The following ERBB4 variants were observed in gnomAD, a reference collection of about 807,000 sequenced individuals.
The protein encoded by ERBB4 is receptor tyrosine-protein kinase erbB-4.
ERBB4 carries 42 observed loss-of-function variants against 158.0 expected under a neutral mutation model. That is an observed-to-expected ratio of 0.27 (90% CI 0.21 to 0.34). The LOEUF is 0.34. ERBB4 is among the 10% of genes least tolerant of loss of function. The probability of loss-of-function intolerance (pLI) is 1.00; values close to 1 mark genes in which losing one functional copy is unlikely to be tolerated. For missense variants in ERBB4, 1,333 were observed against 1,624.1 expected (o/e 0.82, Z 3.08); for synonymous variants, 583 against 558.7 (o/e 1.04, Z -0.61).
chr2:211,617,144 C>A (rs2069422052), intron 19 of ERBB4, among the ~76,000 whole-genome samples: 1 of 151,820 alleles, frequency 6.6e-6, no homozygotes, highest in African/African-American at 2.4e-5. Context: ...GGCTCTTAAC[C>A]CCCTTTTGCC....
At chr2:211,745,345 T>G (rs760118481) in intron 5 of ERBB4, among the ~76,000 whole-genome samples, 3 of 152,194 alleles carry the variant, frequency 2.0e-5, no homozygotes, top group Non-Finnish European at 4.4e-5. Context: ...CAAAATACTT[T>G]TTGCCTCAGG....
At position 211,580,803 on chromosome 2, in the gene ERBB4, T is replaced by G. The variant is rs866017374; in HGVS notation, c.2302-18715A>C. On this transcript the variant is annotated intron_variant, in intron 19 of 27. Transcript: ENST00000342788. ...AGAAATTGTGATATATATATATATA[T>G]ATATATATAATATATATATATTATA... is the stretch of plus-strand genomic sequence containing the variant. 1.5e-3 allele frequency among the ~76,000 whole-genome samples: 94 copies of G among 63,212 alleles called. 7 individuals carry two copies. The African/African-American group carries it at 0.016, about 11-fold the overall frequency. 41.5% of individuals were successfully genotyped at this position (63,212 alleles called of 152,430 possible).
chr2:212,316,343 G>A (rs1010214094), intron 1 of ERBB4, among the ~76,000 whole-genome samples: 9 of 151,320 alleles, frequency 5.9e-5, no homozygotes, highest in African/African-American at 2.2e-4. Context: ...CTTTTACAGA[G>A]GTGGGAATCA....
chr2:211,894,338 A>G (rs1156537668), intron 3 of ERBB4, among the ~76,000 whole-genome samples: 1 of 147,842 alleles, frequency 6.8e-6, no homozygotes. Flanking sequence ...GCATATTCTC[A>G]CTCATAGTTG....
At chr2:212,256,708 A>T (rs79726908) in intron 1 of ERBB4, among the ~76,000 whole-genome samples, 1 of 152,192 alleles carries the variant, frequency 6.6e-6, no homozygotes, top group South Asian at 2.1e-4. Context: ...CTCTGGGCCA[A>T]TGAGGAACAG....
chr2:211,766,228 A>G (rs997822144), intron 4 of ERBB4, among the ~76,000 whole-genome samples: 1 of 152,246 alleles, frequency 6.6e-6, no homozygotes, highest in Non-Finnish European at 1.5e-5. Context: ...AGAATTAAAT[A>G]AAAGTTGCAT....
intron 1 of ERBB4, among the ~76,000 whole-genome samples, chr2:212,220,935 A>G (rs566727643): frequency 6.6e-6 from 1 of 151,662 alleles, no homozygotes; most frequent in African/African-American, 2.4e-5. Context: ...GGCTTCTATA[A>G]AAGGATGTGA....
intron 20 of ERBB4, among the ~76,000 whole-genome samples, chr2:211,497,278 C>T (rs1231019915): frequency 1.3e-5 from 2 of 151,842 alleles, no homozygotes; most frequent in African/African-American, 4.8e-5. Context: ...AAGATGCAAA[C>T]ACGAGTTAAA....
At position 211,494,353 on chromosome 2, in the gene ERBB4, G is replaced by A. The variant is rs1234877348; in HGVS notation, c.2488-63253C>T. Among the ~76,000 whole-genome samples the A allele has an allele frequency of 3.3e-5, 5 of 152,016 alleles. No individual in the cohort carries two copies. In the East Asian group the frequency reaches 7.7e-4, roughly 23 times the overall value. On this transcript the variant is annotated intron_variant, in intron 20 of 27. Transcript: ENST00000342788. ...ATGTTGCTAACAACATCATTAAAAT[G>A]TATTAGCTCAGCTCTGAAACAAGTA...
intron 1 of ERBB4, among the ~76,000 whole-genome samples, chr2:212,245,816 G>A (rs1395326522): frequency 6.6e-6 from 1 of 152,032 alleles, no homozygotes; most frequent in African/African-American, 2.4e-5. Flanking sequence ...TCCCAAAAGA[G>A]CCCTTTGCTC....
At chr2:212,009,856 TCTGTA>T (rs1488213646) in intron 2 of ERBB4, among the ~76,000 whole-genome samples, 1 of 152,162 alleles carries the variant, frequency 6.6e-6, no homozygotes, top group African/African-American at 2.4e-5. Flanking sequence ...CTCCCACCTG[TCTGTA>T]CTCCTACTAA....
rs147020363 is a variant in ERBB4 at position 211,727,947 on chromosome 2, G to A, written c.623-2753C>T. ...ATCAAATTTTTATATCTGGGTTTGT[G>A]AACGTATATTTTGTATTTGCAATTT... On this transcript the variant is annotated intron_variant, in intron 5 of 27. Coordinates refer to ENST00000342788, the MANE Select transcript of ERBB4 (RefSeq NM_005235.3). Among the ~76,000 whole-genome samples the A allele has an allele frequency of 4.7e-3, 712 of 151,936 alleles. 7 individuals are homozygous for A. Among genetic ancestry groups the A allele is most frequent in the African/African-American group, 0.016 (662 of 41,498 alleles).
intron 2 of ERBB4, among the ~76,000 whole-genome samples, chr2:212,071,818 T>C (rs1365642202): frequency 6.6e-6 from 1 of 152,006 alleles, no homozygotes; most frequent in Admixed American, 6.6e-5. Flanking sequence ...GAAAGATACA[T>C]CTACTTCTCT....
intron 17 of ERBB4, among the ~76,000 whole-genome samples, chr2:211,629,703 A>G (rs1296787434): frequency 6.6e-6 from 1 of 152,164 alleles, no homozygotes; most frequent in African/African-American, 2.4e-5. Context: ...ACAGAGATAT[A>G]GACCAATGGA....
At chr2:212,529,723 A>G (rs923704131) in intron 1 of ERBB4, among the ~76,000 whole-genome samples, 5 of 152,228 alleles carry the variant, frequency 3.3e-5, no homozygotes, top group South Asian at 2.1e-4. Flanking sequence ...TTAAAAAGTC[A>G]AAACTATTGG....
chr2:212,337,528 C>T (rs934078559), intron 1 of ERBB4, among the ~76,000 whole-genome samples: 7 of 152,016 alleles, frequency 4.6e-5, no homozygotes, highest in East Asian at 1.9e-4. Context: ...ATTACAATGT[C>T]GATTACACTT....
At chr2:212,136,396 G>T (rs938871788) in intron 1 of ERBB4, among the ~76,000 whole-genome samples, 4 of 152,126 alleles carry the variant, frequency 2.6e-5, no homozygotes, top group African/African-American at 9.7e-5. Context: ...CACTAGAAAC[G>T]GGAAAAAATG....
intron 20 of ERBB4, among the ~76,000 whole-genome samples, chr2:211,455,474 A>G (rs1287233489): frequency 1.3e-5 from 2 of 152,210 alleles, no homozygotes; most frequent in African/African-American, 2.4e-5. Context: ...TATTTTGCCA[A>G]TTGAAATCAG....
intron 25 of ERBB4, among the ~76,000 whole-genome samples, chr2:211,397,086 T>G (rs567457457): frequency 6.6e-6 from 1 of 152,230 alleles, no homozygotes; most frequent in East Asian, 1.9e-4. Context: ...TATTTACAAC[T>G]GATCTAGGCC....
Sources: gnomAD v4.1 joint callset for allele counts (sites outside exome capture counted in the v4.1 genomes callset) on GRCh38, gnomAD v4.1.1 for gene constraint, MANE v1.5 for transcripts, NCBI Gene and HGNC (gene_info 2026-07-23, HGNC 2026-07-21) for gene names.